The following FBXW4 variants were observed in gnomAD, a reference collection of about 807,000 sequenced individuals.
FBXW4 encodes the protein F-box and WD repeat domain containing 4, also known as F-box/WD repeat-containing protein 4.
In FBXW4, 40 loss-of-function variants were observed where a neutral mutation model predicts 61.8. The observed-to-expected ratio is 0.65, with a 90% CI of 0.50 to 0.84. FBXW4 has a LOEUF of 0.84. FBXW4 is among the 40% of genes least tolerant of loss of function. FBXW4 has a pLI of 0.00. For synonymous variants in FBXW4, 311 were observed against 313.8 expected, an observed-to-expected ratio of 0.99 and a Z score of 0.10; for missense variants, 672 against 753.8, an observed-to-expected ratio of 0.89 and a Z score of 1.27.
At chr10:101,678,187 G>A (rs1400620874) in intron 1 of FBXW4, among the ~76,000 whole-genome samples, 1 of 152,200 alleles carries the variant, frequency 6.6e-6, no homozygotes, top group African/African-American at 2.4e-5. Context: ...GCACTGTTTG[G>A]GGATGGGTTA....
At chr10:101,619,831 T>C (rs1025184356) in intron 6 of FBXW4, among the ~76,000 whole-genome samples, 16 of 152,066 alleles carry the variant, frequency 1.1e-4, no homozygotes, top group Admixed American at 1.0e-3. Flanking sequence ...GTGGTCTTGA[T>C]GGAATGAGGG....
At chr10:101,614,243 T>C (rs1306073795) in intron 6 of FBXW4, among the ~76,000 whole-genome samples, 1 of 152,158 alleles carries the variant, frequency 6.6e-6, no homozygotes, top group East Asian at 1.9e-4. Flanking sequence ...CTTTAATCTA[T>C]AGAAGTAATT....
At chr10:101,642,890 C>T (rs1191150684) in intron 5 of FBXW4, among the ~76,000 whole-genome samples, 2 of 152,168 alleles carry the variant, frequency 1.3e-5, no homozygotes, top group Non-Finnish European at 2.9e-5. Flanking sequence ...GGCGTGATGC[C>T]TACACTACCT....
chr10:101,664,806 A>C (rs1273498339), intron 5 of FBXW4, among the ~76,000 whole-genome samples: 1 of 152,212 alleles, frequency 6.6e-6, no homozygotes, highest in Non-Finnish European at 1.5e-5. Flanking sequence ...TGGGTGATAA[A>C]GTGAAACCCT....
At position 101,653,431 on chromosome 10, in the gene FBXW4, C is replaced by T. The variant is rs542315366; in HGVS notation, c.1235+14455G>A. ...CCCTCCAAAACTAGACTCCAAATTTCCCCTCCAGCGAGCCAGACTTGTCCA... is the reference window on the plus strand; with the variant it reads ...CCCTCCAAAACTAGACTCCAAATTTTCCCTCCAGCGAGCCAGACTTGTCCA... On this transcript the variant is annotated intron_variant, in intron 5 of 8. Coordinates refer to ENST00000331272, the MANE Select transcript of FBXW4 (RefSeq NM_022039.4). 4.6e-5 allele frequency among the ~76,000 whole-genome samples: 7 copies of T among 152,316 alleles called. No homozygotes were observed. The East Asian group carries it at 9.6e-4, about 21-fold the overall frequency.
At chr10:101,630,153 T>C (rs1217410469) in intron 5 of FBXW4, among the ~76,000 whole-genome samples, 1 of 152,196 alleles carries the variant, frequency 6.6e-6, no homozygotes, top group Non-Finnish European at 1.5e-5. Context: ...GGCTGCCTAA[T>C]AGAATATGCA....
At chr10:101,648,814 A>G (rs1390622131) in intron 5 of FBXW4, among the ~76,000 whole-genome samples, 1 of 152,210 alleles carries the variant, frequency 6.6e-6, no homozygotes, top group Non-Finnish European at 1.5e-5. Flanking sequence ...AGGTTTTCTG[A>G]TCAGTATTGT....
At chr10:101,692,706 A>G (rs2134928441) in intron 1 of FBXW4, among the ~76,000 whole-genome samples, 1 of 139,772 alleles carries the variant, frequency 7.2e-6, no homozygotes, top group Non-Finnish European at 1.5e-5. Flanking sequence ...AGTGCACACC[A>G]CTGCACTCCA....
chr10:101,649,794 T>G (rs2064131185), intron 5 of FBXW4, among the ~76,000 whole-genome samples: 1 of 152,198 alleles, frequency 6.6e-6, no homozygotes, highest in African/African-American at 2.4e-5. Context: ...GCGGCCAGCC[T>G]GCATCTCTGC....
intron 3 of FBXW4, 130 bp from the exon 4 acceptor site, chr10:101,673,177 G>T: frequency 8.7e-7 from 1 of 1,149,292 alleles, no homozygotes; most frequent in Non-Finnish European, 1.2e-6. Flanking sequence ...ATTCAGCCCA[G>T]TAAGGTGCTG....
chr10:101,695,232 C>A, upstream of FBXW4: 1 of 978,614 alleles, frequency 1.0e-6, no homozygotes, highest in Non-Finnish European at 1.2e-6. This position sits in a 1 kb window ranked among gnomAD's most constrained non-coding sequence, Gnocchi z 4.2. Context: ...TGGGCACGCC[C>A]CTCACACCTG....
intron 5 of FBXW4, among the ~76,000 whole-genome samples, chr10:101,642,681 T>C (rs1355882844): frequency 6.6e-6 from 1 of 152,144 alleles, no homozygotes. Context: ...GGTAGGCAAA[T>C]AACACAGCAT....
In FBXW4 at chr10:101,690,451, C is replaced by T. The variant is rs567632502; in HGVS notation, c.725+3930G>A. On this transcript the variant is annotated intron_variant, in intron 1 of 8. Coordinates refer to ENST00000331272, the MANE Select transcript of FBXW4 (RefSeq NM_022039.4). ...AAATCAGATGACTGACTCCAACTAT[C>T]TTTGTGTCCCTTTAAAAAAAAAAGA... Among the ~76,000 whole-genome samples, 395 of 152,192 alleles carry T rather than the reference C, an allele frequency of 2.6e-3. 3 individuals are homozygous for T. Among genetic ancestry groups the T allele is most frequent in the Non-Finnish European group, 4.8e-3 (328 of 68,006 alleles).
chr10:101,676,711 G>GAAAAAAAAAAAAAAAAAAA (rs56232127), intron 1 of FBXW4: 1 of 64,784 alleles, frequency 1.5e-5, no homozygotes, highest in Non-Finnish European at 2.6e-5. Flanking sequence ...TCCAGATTGG[G>GAAAAAAAAAAAAAAAAAAA]AAAAAAAAAA....
rs1328680543 is a variant in FBXW4, at chr10:101,640,955, C to T, written c.1236-16145G>A. 3.3e-5 allele frequency among the ~76,000 whole-genome samples: 5 copies of T among 151,886 alleles called. No individual in the cohort carries two copies. In the East Asian group the frequency reaches 5.8e-4, roughly 18 times the overall value. On this transcript the variant is annotated intron_variant, in intron 5 of 8. Transcript: ENST00000331272. ...AAGCAATTCTTCTGCCTCAGCCTCC[C>T]GAGTAGCTGGGATTACTGGCACCCG... is the stretch of plus-strand genomic sequence containing the variant.
At chr10:101,667,368 T>C (rs1321480309) in intron 5 of FBXW4, among the ~76,000 whole-genome samples, 2 of 152,154 alleles carry the variant, frequency 1.3e-5, no homozygotes, top group Non-Finnish European at 2.9e-5. Context: ...CAATAATCAA[T>C]GTTACTACTT....
intron 5 of FBXW4, among the ~76,000 whole-genome samples, chr10:101,633,951 A>C (rs1415251484): frequency 1.3e-5 from 2 of 151,578 alleles, no homozygotes; most frequent in African/African-American, 4.8e-5. Flanking sequence ...ACTAAAAAAT[A>C]TATATATATA....
intron 5 of FBXW4, among the ~76,000 whole-genome samples, chr10:101,641,991 AC>A (rs1335868262): frequency 6.6e-6 from 1 of 151,648 alleles, no homozygotes; most frequent in Non-Finnish European, 1.5e-5. Context: ...ACATGGTGAA[AC>A]CCCGTCTCTA....
intron 6 of FBXW4, among the ~76,000 whole-genome samples, chr10:101,616,284 G>T (rs2063826140): frequency 6.6e-6 from 1 of 152,186 alleles, no homozygotes; most frequent in Non-Finnish European, 1.5e-5. Context: ...CAAAGAGAAT[G>T]GGAGGTTTTT....
Sources: gnomAD v4.1 joint callset for allele counts (sites outside exome capture counted in the v4.1 genomes callset) on GRCh38, gnomAD v4.1.1 for gene constraint, Gnocchi (gnomAD v3.1) non-coding constraint, MANE v1.5 for transcripts, NCBI Gene and HGNC (gene_info 2026-07-23, HGNC 2026-07-21) for gene names.